Variants in MAF observed in about 807,000 individuals in gnomAD.
MAF encodes the protein MAF bZIP transcription factor, also known as transcription factor Maf.
A neutral mutation model predicts 22.0 loss-of-function variants in MAF; 10 were observed. The observed-to-expected ratio is 0.45, with a 90% confidence interval of 0.28 to 0.77. The LOEUF (loss-of-function observed/expected upper bound fraction) is 0.77, where lower values mean the gene tolerates loss of function less well. MAF is among the 30% of genes least tolerant of loss of function. The probability of loss-of-function intolerance (pLI) is 0.12; values close to 1 mark genes in which losing one functional copy is unlikely to be tolerated. For synonymous variants in MAF, 337 were observed against 255.8 expected, an observed-to-expected ratio of 1.32 and a Z score of -3.03; for missense variants, 544 against 548.4, an observed-to-expected ratio of 0.99 and a Z score of 0.08.
the MAF span, among the ~76,000 whole-genome samples, chr16:79,557,116 G>C: frequency 6.6e-6 from 1 of 151,664 alleles, no homozygotes; most frequent in African/African-American, 2.4e-5. Flanking sequence ...CCCAGCTCAC[G>C]TACAAGCTCT....
chr16:79,506,585 G>A, the MAF span, among the ~76,000 whole-genome samples: 1 of 152,192 alleles, frequency 6.6e-6, no homozygotes, highest in Non-Finnish European at 1.5e-5. Context: ...GTGAAGTGTA[G>A]AACCAAGAAG....
chr16:79,221,350 G>A, the MAF span, among the ~76,000 whole-genome samples: 1 of 152,130 alleles, frequency 6.6e-6, no homozygotes, highest in Non-Finnish European at 1.5e-5. Context: ...ATTCAGTCAT[G>A]TTACCGTTTT....
the MAF span, among the ~76,000 whole-genome samples, chr16:79,438,136 TG>T: frequency 2.2e-4 from 33 of 148,756 alleles, no homozygotes; most frequent in South Asian, 5.4e-3. Context: ...GGGAAGAGAG[TG>T]GGGGCAGGAG....
the MAF span, among the ~76,000 whole-genome samples, chr16:79,469,241 G>A: frequency 1.3e-5 from 2 of 152,210 alleles, no homozygotes; most frequent in South Asian, 4.1e-4. Flanking sequence ...CTCAATGGCA[G>A]AGTTGAGCGG....
the MAF span, among the ~76,000 whole-genome samples, chr16:79,445,558 G>C: frequency 6.6e-6 from 1 of 152,176 alleles, no homozygotes; most frequent in East Asian, 1.9e-4. Flanking sequence ...AACCCCCCAA[G>C]CTCAGGTGCC....
At chr16:79,235,367 A>C in the MAF span, among the ~76,000 whole-genome samples, 1 of 151,978 alleles carries the variant, frequency 6.6e-6, no homozygotes, top group Non-Finnish European at 1.5e-5. Context: ...AGCCTGGGGA[A>C]CATATCAAGA....
chr16:79,549,958 A>G, the MAF span, among the ~76,000 whole-genome samples: 1 of 152,128 alleles, frequency 6.6e-6, no homozygotes, highest in East Asian at 1.9e-4. Context: ...TAACTGAGAT[A>G]CTACACAAAG....
chr16:79,226,222 C>T, the MAF span, among the ~76,000 whole-genome samples: 1 of 152,160 alleles, frequency 6.6e-6, no homozygotes, highest in Non-Finnish European at 1.5e-5. Context: ...AGTTCATGTC[C>T]TTTGCAGGGA....
chr16:79,503,332 C>T, the MAF span, among the ~76,000 whole-genome samples: 14 of 152,178 alleles, frequency 9.2e-5, no homozygotes, highest in African/African-American at 1.7e-4. Flanking sequence ...AACCACAAAG[C>T]GACCATCATT....
the MAF span, among the ~76,000 whole-genome samples, chr16:79,511,079 C>T: frequency 1.4e-5 from 2 of 137,944 alleles, no homozygotes; most frequent in South Asian, 5.1e-4. Flanking sequence ...TGAGCTGACT[C>T]ATGAGAATCT....
At chr16:79,274,317 A>G in the MAF span, among the ~76,000 whole-genome samples, 1 of 151,918 alleles carries the variant, frequency 6.6e-6, no homozygotes. Context: ...TATGGCTCAC[A>G]AAGATCCATA....
the MAF span, among the ~76,000 whole-genome samples, chr16:79,507,586 G>A: frequency 6.6e-6 from 1 of 151,710 alleles, no homozygotes; most frequent in African/African-American, 2.4e-5. Context: ...CACCATGCCT[G>A]GCTAATTTTT....
the MAF span, among the ~76,000 whole-genome samples, chr16:79,254,150 G>T: frequency 6.6e-6 from 1 of 151,956 alleles, no homozygotes; most frequent in Non-Finnish European, 1.5e-5. Context: ...TGTAGAAGCT[G>T]AATAAAGAGA....
chr16:79,453,517 C>T, the MAF span, among the ~76,000 whole-genome samples: 2 of 152,290 alleles, frequency 1.3e-5, no homozygotes, highest in Non-Finnish European at 2.9e-5. Flanking sequence ...AGTATTCATA[C>T]ACTACTATTG....
chr16:79,376,160 C>T, the MAF span, among the ~76,000 whole-genome samples: 1 of 151,618 alleles, frequency 6.6e-6, no homozygotes, highest in African/African-American at 2.4e-5. Context: ...AATGTTACTT[C>T]TTCGTATGTA....
At chr16:79,519,501 C>T in the MAF span, among the ~76,000 whole-genome samples, 1 of 152,206 alleles carries the variant, frequency 6.6e-6, no homozygotes, top group African/African-American at 2.4e-5. Context: ...CACCTTCAAG[C>T]ACGAAGCAGC....
chr16:79,415,287 GAGGGAGGGAAGGA>G, the MAF span, among the ~76,000 whole-genome samples: 1 of 146,652 alleles, frequency 6.8e-6, no homozygotes, highest in East Asian at 2.2e-4. Context: ...GGAAGGGAGG[GAGGGAGGGAAGGA>G]AGGGAGGAAG....
the MAF span, among the ~76,000 whole-genome samples, chr16:79,267,451 G>A: frequency 1.3e-5 from 2 of 152,206 alleles, no homozygotes; most frequent in Non-Finnish European, 2.9e-5. Flanking sequence ...GAAAGGAGGA[G>A]TGAATGGGCC....
At chr16:79,349,282 C>T in the MAF span, among the ~76,000 whole-genome samples, 2 of 152,200 alleles carry the variant, frequency 1.3e-5, no homozygotes, top group African/African-American at 4.8e-5. Flanking sequence ...CCAGGTCAGG[C>T]TCCTAAGAGG....
Sources: gnomAD v4.1 joint callset for allele counts (sites outside exome capture counted in the v4.1 genomes callset) on GRCh38, gnomAD v4.1.1 for gene constraint, MANE v1.5 for transcripts, NCBI Gene and HGNC (gene_info 2026-07-23, HGNC 2026-07-21) for gene names.